Variants in ZNF365 observed in about 807,000 individuals in gnomAD.
The protein encoded by ZNF365 is protein ZNF365.
ZNF365 carries 22 observed loss-of-function variants against 35.0 expected under a neutral mutation model. The observed-to-expected ratio is 0.63, with a 90% CI of 0.45 to 0.90. The LOEUF (loss-of-function observed/expected upper bound fraction) is 0.90. ZNF365 is among the 40% of genes least tolerant of loss of function. The pLI is 0.00. For missense variants in ZNF365, 448 were observed against 500.3 expected (o/e 0.90, Z 1.00); for synonymous variants, 188 against 196.2 (o/e 0.96, Z 0.35).
At chr10:62,407,546 C>T (rs977850524) in intron 3 of ZNF365, among the ~76,000 whole-genome samples, 3 of 151,680 alleles carry the variant, frequency 2.0e-5, no homozygotes, top group Non-Finnish European at 2.9e-5. Flanking sequence ...AACACCAGCC[C>T]AGGAAAAATC....
intron 2 of ZNF365, among the ~76,000 whole-genome samples, chr10:62,377,762 G>A (rs1330669198): frequency 6.6e-6 from 1 of 152,164 alleles, no homozygotes; most frequent in Non-Finnish European, 1.5e-5. Flanking sequence ...AATGCAGAAT[G>A]TCAGATTTCA....
At chr10:62,440,959 A>G (rs1840490636) in intron 3 of ZNF365, among the ~76,000 whole-genome samples, 1 of 152,204 alleles carries the variant, frequency 6.6e-6, no homozygotes, top group Admixed American at 6.5e-5. Context: ...TTCCCTCACA[A>G]AAGAGAAAAG....
chr10:62,396,430 A>G (rs911069160), intron 3 of ZNF365, among the ~76,000 whole-genome samples: 6 of 152,094 alleles, frequency 3.9e-5, no homozygotes, highest in African/African-American at 1.4e-4. Context: ...CTTACCTCCT[A>G]GGGCTGCTGT....
rs1839831914 is a variant in ZNF365 at position 62,401,677 on chromosome 10, TACA to T, written c.*1889_*1891del. ...ATACCATGATTGCACCTTAGCCTTTTACATACTAAAAACATGACTTGTTAGTTG... is the reference window on the plus strand; with the variant it reads ...ATACCATGATTGCACCTTAGCCTTTTTACTAAAAACATGACTTGTTAGTTG... On this transcript the variant is annotated 3_prime_UTR_variant, in exon 5 of 5. Coordinates refer to ENST00000395254, the MANE Select transcript of ZNF365 (RefSeq NM_014951.3). 17 of 985,482 alleles carry T rather than the reference TACA, an allele frequency of 1.7e-5. No homozygotes were observed. The highest frequency in any genetic ancestry group is 1.0e-3 in the Middle Eastern group (2 of 1,936). 61.0% of individuals were successfully genotyped at this position (985,482 alleles called of 1,614,324 possible).
chr10:62,417,096 A>G (rs1840087343), intron 3 of ZNF365, among the ~76,000 whole-genome samples: 1 of 152,102 alleles, frequency 6.6e-6, no homozygotes, highest in African/African-American at 2.4e-5. Flanking sequence ...CAGAAAGTAT[A>G]CTTACTTTGT....
At chr10:62,479,238 T>A (rs1841181734) in intron 4 of ZNF365, among the ~76,000 whole-genome samples, 1 of 152,224 alleles carries the variant, frequency 6.6e-6, no homozygotes, top group Non-Finnish European at 1.5e-5. Context: ...CAAAGACATA[T>A]CCATATTCCT....
intron 3 of ZNF365, among the ~76,000 whole-genome samples, chr10:62,416,164 A>G (rs1457093868): frequency 1.3e-5 from 2 of 151,740 alleles, no homozygotes; most frequent in Non-Finnish European, 2.9e-5. Flanking sequence ...AGCTGTGCAA[A>G]TCTCTTGATT....
chr10:62,414,023 T>A (rs1353245750), intron 3 of ZNF365, among the ~76,000 whole-genome samples: 1 of 152,310 alleles, frequency 6.6e-6, no homozygotes, highest in East Asian at 1.9e-4. Flanking sequence ...AAGCAAACAC[T>A]TCCTAAAACT....
intron 4 of ZNF365, among the ~76,000 whole-genome samples, chr10:62,462,549 A>G (rs1184167187): frequency 6.6e-6 from 1 of 152,242 alleles, no homozygotes; most frequent in Non-Finnish European, 1.5e-5. Context: ...TAAGTGGGCC[A>G]TGTAGACTGC....
chr10:62,456,885 AT>A (rs1476013110), intron 3 of ZNF365, among the ~76,000 whole-genome samples: 4 of 152,164 alleles, frequency 2.6e-5, no homozygotes, highest in African/African-American at 9.7e-5. Flanking sequence ...AACAATAAGC[AT>A]TTACTTAACA....
chr10:62,443,374 C>T (rs1192198225), intron 3 of ZNF365, among the ~76,000 whole-genome samples: 1 of 152,178 alleles, frequency 6.6e-6, no homozygotes, highest in Non-Finnish European at 1.5e-5. Flanking sequence ...TTTGTGTATG[C>T]CCCAGTTGGT....
intron 3 of ZNF365, chr10:62,459,645 T>C: frequency 1.5e-6 from 2 of 1,337,750 alleles, no homozygotes; most frequent in Non-Finnish European, 2.1e-6. Context: ...TTTACTTAAA[T>C]GAATGGAACA....
At chr10:62,427,267 A>T (rs1399393248) in intron 3 of ZNF365, among the ~76,000 whole-genome samples, 1 of 152,198 alleles carries the variant, frequency 6.6e-6, no homozygotes, top group East Asian at 1.9e-4. Flanking sequence ...GTCCCATGAG[A>T]TTATAATACC....
intron 3 of ZNF365, among the ~76,000 whole-genome samples, chr10:62,427,821 G>T (rs1840273339): frequency 6.6e-6 from 1 of 152,250 alleles, no homozygotes; most frequent in African/African-American, 2.4e-5. Context: ...CTGCACTGGG[G>T]ATCTTCTCTG....
chr10:62,426,103 T>C (rs772942311), intron 3 of ZNF365, among the ~76,000 whole-genome samples: 1 of 152,044 alleles, frequency 6.6e-6, no homozygotes, highest in Non-Finnish European at 1.5e-5. Flanking sequence ...AGAACCAAAC[T>C]CTTCATCTTT....
intron 4 of ZNF365, among the ~76,000 whole-genome samples, chr10:62,462,514 G>A (rs571090252): frequency 4.6e-5 from 7 of 152,202 alleles, no homozygotes; most frequent in Non-Finnish European, 1.0e-4. Context: ...TCCCACATGT[G>A]GCCTGAAATA....
chr10:62,438,910 T>G (rs1840450364), intron 3 of ZNF365, among the ~76,000 whole-genome samples: 1 of 152,226 alleles, frequency 6.6e-6, no homozygotes, highest in African/African-American at 2.4e-5. Context: ...TCTCTATTCC[T>G]TCTGCATTAC....
At chr10:62,427,940 A>G (rs981044698) in intron 3 of ZNF365, among the ~76,000 whole-genome samples, 2 of 152,192 alleles carry the variant, frequency 1.3e-5, no homozygotes, top group Non-Finnish European at 2.9e-5. Context: ...GACACAGAGG[A>G]AAATTCCATA....
At chr10:62,460,429 T>C (rs958610448) in intron 4 of ZNF365, among the ~76,000 whole-genome samples, 3 of 152,178 alleles carry the variant, frequency 2.0e-5, no homozygotes, top group African/African-American at 4.8e-5. Context: ...CAGGAAGAGA[T>C]GAACAACAAT....
Sources: gnomAD v4.1 joint callset for allele counts (sites outside exome capture counted in the v4.1 genomes callset) on GRCh38, gnomAD v4.1.1 for gene constraint, MANE v1.5 for transcripts, NCBI Gene and HGNC (gene_info 2026-07-23, HGNC 2026-07-21) for gene names.